The following SYNJ2 variants were observed in gnomAD, a reference collection of about 807,000 sequenced individuals.
The protein encoded by SYNJ2 is synaptojanin 2.
In SYNJ2, 116 loss-of-function variants were observed where a neutral mutation model predicts 141.3. The ratio of observed to expected loss-of-function variants is 0.82; its 90% confidence interval spans 0.71 to 0.96. The LOEUF (loss-of-function observed/expected upper bound fraction) is 0.96, where lower values mean the gene tolerates loss of function less well. SYNJ2 is among the 40% of genes least tolerant of loss of function. SYNJ2 has a pLI of 0.00. For missense variants in SYNJ2, 1,873 were observed against 1,934.8 expected (o/e 0.97, Z 0.60); for synonymous variants, 745 against 777.7 (o/e 0.96, Z 0.70).
intron 1 of SYNJ2, among the ~76,000 whole-genome samples, chr6:157,997,397 G>C (rs1777673386): frequency 6.6e-6 from 1 of 152,148 alleles, no homozygotes; most frequent in East Asian, 1.9e-4. Flanking sequence ...AGAAGAAAAG[G>C]GACACAGGCA....
At chr6:158,019,692 G>C (rs767124608) in intron 2 of SYNJ2, among the ~76,000 whole-genome samples, 3 of 152,188 alleles carry the variant, frequency 2.0e-5, no homozygotes, top group Non-Finnish European at 4.4e-5. Flanking sequence ...CGAGGCTTTG[G>C]GTGCCCCCAA....
At chr6:158,068,784 TGGGAGCAGAGCCTCTGAGGCTCTCC>T (rs1388596294) in intron 13 of SYNJ2, 56 bp downstream of exon 13, 1 of 1,595,380 alleles carries the variant, frequency 6.3e-7, no homozygotes, top group Non-Finnish European at 8.6e-7. Context: ...GGTGCCTGGC[TGGGAGCAGAGCCTCTGAGGCTCTCC>T]GGGAGCCAGC....
intron 15 of SYNJ2, among the ~76,000 whole-genome samples, chr6:158,072,738 A>T (rs1365228596): frequency 1.9e-4 from 1 of 5,228 alleles, no homozygotes; most frequent in Non-Finnish European, 3.7e-4. Context: ...AATGCAGTTT[A>T]AAAAAAAAAA....
chr6:158,028,475 C>T (rs963051120), intron 2 of SYNJ2: 8 of 487,290 alleles, frequency 1.6e-5, no homozygotes, highest in African/African-American at 1.2e-4. Flanking sequence ...AGCTTGCCCC[C>T]AGCCTCAGGC....
rs1431179422 is a variant in SYNJ2 at position 158,025,821 on chromosome 6, G to A, written c.215-2935G>A. Among the ~76,000 whole-genome samples, 7 of 152,238 alleles carry A rather than the reference G, an allele frequency of 4.6e-5. No homozygotes were observed. The East Asian group carries it at 5.8e-4, about 13-fold the overall frequency. The stretch of plus-strand genomic sequence containing the variant: ...TATAAAATTAGCTGGGCGTGGTGAC[G>A]CATGCTTGTAATCTCAGTTACTCCA... On this transcript the variant is annotated intron_variant, in intron 2 of 26. Coordinates refer to ENST00000355585, the MANE Select transcript of SYNJ2 (RefSeq NM_003898.4).
chr6:158,053,161 T>C (rs1181256764), intron 5 of SYNJ2, among the ~76,000 whole-genome samples: 1 of 152,236 alleles, frequency 6.6e-6, no homozygotes, highest in Non-Finnish European at 1.5e-5. Flanking sequence ...ACCTACATGA[T>C]GCTGTATCCT....
chr6:158,090,094 A>G, intron 25 of SYNJ2, 147 bp downstream of exon 25: 1 of 625,106 alleles, frequency 1.6e-6, no homozygotes, highest in Non-Finnish European at 2.9e-6. Flanking sequence ...CATTTTATAT[A>G]AATCTATACT....
chr6:158,089,696 T>A, intron 24 of SYNJ2, 143 bp from the exon 25 acceptor site: 1 of 586,862 alleles, frequency 1.7e-6, no homozygotes, highest in Admixed American at 2.8e-5. Flanking sequence ...AAGAGAGGAT[T>A]GCAGGGTGTG....
intron 4 of SYNJ2, among the ~76,000 whole-genome samples, chr6:158,041,782 C>T (rs1253323195): frequency 6.6e-6 from 1 of 152,208 alleles, no homozygotes; most frequent in South Asian, 2.1e-4. Flanking sequence ...AATCATAGCT[C>T]ACTGCAGCCT....
intron 1 of SYNJ2, among the ~76,000 whole-genome samples, chr6:158,004,271 G>A (rs895243583): frequency 6.6e-6 from 1 of 152,132 alleles, no homozygotes; most frequent in African/African-American, 2.4e-5. Context: ...TGAGATAAGA[G>A]GTCAGCACAA....
intron 2 of SYNJ2, among the ~76,000 whole-genome samples, chr6:158,023,600 A>G (rs1202938974): frequency 1.3e-5 from 2 of 152,134 alleles, no homozygotes; most frequent in African/African-American, 4.8e-5. Context: ...GTGATGGAGG[A>G]CAGGGTTCTT....
At chr6:158,011,029 G>T (rs1778247714) in intron 1 of SYNJ2, among the ~76,000 whole-genome samples, 1 of 151,482 alleles carries the variant, frequency 6.6e-6, no homozygotes, top group South Asian at 2.1e-4. Context: ...TAATGGTGGG[G>T]GGACACATGG....
intron 6 of SYNJ2, among the ~76,000 whole-genome samples, chr6:158,055,428 C>T (rs977554793): frequency 6.6e-6 from 1 of 152,028 alleles, no homozygotes; most frequent in South Asian, 2.1e-4. Flanking sequence ...TACCCTAACT[C>T]CCAGTTACCA....
chr6:158,071,731 G>A lies in SYNJ2; in HGVS notation c.2070G>A (p.Gln690=). ...TATGTAGTCACCTGACGGCCGGGCA[G>A]TCCCAGGTGAAGGAGCGGAATGAAG... is the stretch of plus-strand genomic sequence containing the variant. ...CFICSHLTAG[Q]SQVKERNEDY... The change falls in exon 15 of 27, where the codon CAG becomes CAA. Residue 690 remains glutamine, a synonymous_variant. Transcript: ENST00000355585. The surrounding 1 kb of genome is among the most constrained non-coding windows in gnomAD (Gnocchi z 4.3). 6.2e-7 allele frequency: 1 copy of A among 1,614,078 alleles called. No homozygotes were observed. Among genetic ancestry groups the A allele is most frequent in the Non-Finnish European group, 8.5e-7 (1 of 1,180,050 alleles).
At position 158,026,230 on chromosome 6, in the gene SYNJ2, G is replaced by A. The variant is rs548446548; in HGVS notation, c.215-2526G>A. On this transcript the variant is annotated intron_variant, in intron 2 of 26. Transcript: ENST00000355585. ...GGTAAGCAGGCTGGCGACGTCATCT[G>A]CAAGGAGGTGTAATTAGGAGCACCA... Among the ~76,000 whole-genome samples the A allele has an allele frequency of 2.6e-5, 4 of 152,328 alleles. No homozygotes were observed. In the South Asian group the frequency reaches 8.3e-4, roughly 32 times the overall value.
intron 24 of SYNJ2, 110 bp downstream of exon 24, chr6:158,088,882 C>T: frequency 1.3e-6 from 1 of 748,654 alleles, no homozygotes; most frequent in Non-Finnish European, 2.2e-6. Context: ...CCTCTACCTG[C>T]TCACCATCTC....
At chr6:158,081,634 TTC>T (rs71027380) in intron 20 of SYNJ2, 124 bp downstream of exon 20, 16,226 of 224,084 alleles carry the variant, frequency 0.072, 3,292 homozygotes, top group Middle Eastern at 0.093. Context: ...TTTTTTTTTT[TTC>T]TCTGAGACAA....
intron 1 of SYNJ2, among the ~76,000 whole-genome samples, chr6:158,013,681 A>C (rs970140316): frequency 4.6e-5 from 7 of 152,228 alleles, no homozygotes; most frequent in African/African-American, 1.7e-4. Context: ...ACACCAGCAG[A>C]GTGGCAAAAA....
At chr6:158,036,802 A>G (rs1442535071) in intron 4 of SYNJ2, among the ~76,000 whole-genome samples, 7 of 152,244 alleles carry the variant, frequency 4.6e-5, no homozygotes, top group African/African-American at 2.4e-5. Flanking sequence ...GAAAAATTTT[A>G]AAAAGGGGAC....
Sources: allele counts gnomAD v4.1 joint callset (sites outside exome capture counted in the v4.1 genomes callset), GRCh38; gene constraint gnomAD v4.1.1; non-coding constraint Gnocchi (gnomAD v3.1); transcripts MANE v1.5; gene names NCBI Gene and HGNC (gene_info 2026-07-23, HGNC 2026-07-21).